Variants in ARPP19 observed in about 807,000 individuals in gnomAD.
The protein encoded by ARPP19 is cAMP-regulated phosphoprotein 19.
A neutral mutation model predicts 12.0 loss-of-function variants in ARPP19; 8 were observed. The ratio of observed to expected loss-of-function variants is 0.67; its 90% CI spans 0.39 to 1.21. The LOEUF is 1.21. Ranked by LOEUF, ARPP19 falls within the 50% of genes most tolerant of loss-of-function variation. The probability of loss-of-function intolerance (pLI) is 0.01; values close to 1 mark genes in which losing one functional copy is unlikely to be tolerated. For missense variants in ARPP19, 102 were observed against 136.3 expected (o/e 0.75, Z 1.25); for synonymous variants, 47 against 50.4 (o/e 0.93, Z 0.29).
At chr15:52,564,975 G>T (rs2078067845) in intron 1 of ARPP19, among the ~76,000 whole-genome samples, 1 of 151,032 alleles carries the variant, frequency 6.6e-6, no homozygotes, top group Admixed American at 6.6e-5. Flanking sequence ...TGCTGTGAGA[G>T]AACAGATATA....
chr15:52,557,216 C>T lies in ARPP19; in HGVS notation c.52G>A (p.Glu18Lys), dbSNP rs779348594. 1 of 1,593,946 alleles carries T rather than the reference C, an allele frequency of 6.3e-7. No homozygotes were observed. The highest frequency in any genetic ancestry group is 8.6e-7 in the Non-Finnish European group (1 of 1,166,312). ...TTCTCTGGACTAGTCACTTTATCTT[C>T]CATTTCCTAAAATAATTTCAAATAA... ...AASAEEQKEMEDKVTSPEKAE... is the reference protein window; with the variant it reads ...AASAEEQKEMKDKVTSPEKAE... Residue 18 changes from glutamate (E) to lysine (K), a missense_variant, in exon 2 of 3, where the codon GAA (glutamate) becomes AAA (lysine). Coordinates refer to ENST00000249822, the MANE Select transcript of ARPP19 (RefSeq NM_006628.6).
chr15:52,559,022 G>C (rs936554083), intron 1 of ARPP19, among the ~76,000 whole-genome samples: 1 of 151,984 alleles, frequency 6.6e-6, no homozygotes, highest in African/African-American at 2.4e-5. Context: ...ATTTCATCCT[G>C]AACTGCTTCT....
intron 1 of ARPP19, among the ~76,000 whole-genome samples, chr15:52,558,437 A>G (rs1380279344): frequency 6.0e-5 from 9 of 150,770 alleles, no homozygotes; most frequent in Admixed American, 5.3e-4. Flanking sequence ...GTGCATACCC[A>G]GGTCTAGCGA....
intron 1 of ARPP19, among the ~76,000 whole-genome samples, chr15:52,562,829 G>T (rs2078046907): frequency 6.6e-6 from 1 of 151,234 alleles, no homozygotes; most frequent in South Asian, 2.1e-4. Context: ...CAATAGAAAG[G>T]GCCAACAAAG....
Position 52,567,279 on chromosome 15 carries a change from G to A in ARPP19, c.45+1569C>T, listed in dbSNP as rs555759137. Reference sequence around the variant, plus strand: ...AATGTTTAATGTAGACAATCAATAAGAGAAAACGTTCAAGCTATCCTTAAT... The same window carrying A: ...AATGTTTAATGTAGACAATCAATAAAAGAAAACGTTCAAGCTATCCTTAAT... On this transcript the variant is annotated intron_variant, in intron 1 of 2. Coordinates refer to ENST00000249822, the MANE Select transcript of ARPP19 (RefSeq NM_006628.6). Among the ~76,000 whole-genome samples, 73 of 152,296 alleles carry A rather than the reference G, an allele frequency of 4.8e-4. 1 individual carries two copies. The South Asian group carries it at 7.9e-3, about 16-fold the overall frequency.
intron 2 of ARPP19, among the ~76,000 whole-genome samples, chr15:52,554,947 A>C (rs1253596770): frequency 6.6e-6 from 1 of 152,120 alleles, no homozygotes; most frequent in Admixed American, 6.6e-5. Flanking sequence ...TATCTAATCA[A>C]ACCTTCTCAA....
intron 1 of ARPP19, among the ~76,000 whole-genome samples, chr15:52,565,570 T>A (rs73396728): frequency 0.11 from 16,414 of 152,224 alleles, 962 homozygotes; most frequent in Middle Eastern, 0.17. Flanking sequence ...ACTCAGCAGG[T>A]TACTCCAACT....
chr15:52,561,559 CTTG>C (rs1854702851), intron 1 of ARPP19, among the ~76,000 whole-genome samples: 1 of 151,926 alleles, frequency 6.6e-6, no homozygotes, highest in Non-Finnish European at 1.5e-5. Flanking sequence ...ATTTTTACAT[CTTG>C]TTTAGTTAAG....
At chr15:52,567,378 C>T (rs2078093373) in intron 1 of ARPP19, among the ~76,000 whole-genome samples, 2 of 152,200 alleles carry the variant, frequency 1.3e-5, no homozygotes, top group Non-Finnish European at 2.9e-5. Context: ...CATACTTTGG[C>T]AACATACTAA....
chr15:52,557,982 A>G (rs2077996835), intron 1 of ARPP19, among the ~76,000 whole-genome samples: 1 of 152,204 alleles, frequency 6.6e-6, no homozygotes, highest in Non-Finnish European at 1.5e-5. Context: ...AACTCTGTTC[A>G]TGTCAAACAT....
chr15:52,551,665 A>G lies in ARPP19; in HGVS notation c.*269T>C, dbSNP rs2077932615. On this transcript the variant is annotated 3_prime_UTR_variant, in exon 3 of 3. Coordinates refer to ENST00000249822, the MANE Select transcript of ARPP19 (RefSeq NM_006628.6). ...TAAAACTTGCTTGTTACTTGTTAGA[A>G]CCAGTACTACACTAGAAGTTAGGTA... 6.4e-6 allele frequency: 2 copies of G among 313,002 alleles called. No homozygotes were observed. The highest frequency in any genetic ancestry group is 1.2e-5 in the Non-Finnish European group (2 of 171,290). 19.4% of individuals were successfully genotyped at this position (313,002 alleles called of 1,614,324 possible).
intron 1 of ARPP19, among the ~76,000 whole-genome samples, chr15:52,565,397 C>T (rs73396723): frequency 0.11 from 16,407 of 152,212 alleles, 963 homozygotes; most frequent in Middle Eastern, 0.17. Context: ...TAGCTTACTG[C>T]TGATAGATTC....
chr15:52,560,879 T>C (rs761117248), intron 1 of ARPP19, among the ~76,000 whole-genome samples: 2 of 152,290 alleles, frequency 1.3e-5, no homozygotes, highest in South Asian at 2.1e-4. Context: ...GGGGCTCTAG[T>C]AGCAGCTACA....
upstream of ARPP19, chr15:52,569,112 C>T (rs1566900797): frequency 7.4e-6 from 4 of 542,050 alleles, no homozygotes; most frequent in African/African-American, 4.1e-5. Context: ...GCACCCCTAC[C>T]TACTTGACCC....
chr15:52,556,403 G>T (rs1404796620), intron 2 of ARPP19, among the ~76,000 whole-genome samples: 1 of 151,994 alleles, frequency 6.6e-6, no homozygotes, highest in Non-Finnish European at 1.5e-5. Flanking sequence ...GAACAAACAG[G>T]CCAGCATTAT....
At chr15:52,561,956 T>TA (rs398027310) in intron 1 of ARPP19, among the ~76,000 whole-genome samples, 9 of 135,620 alleles carry the variant, frequency 6.6e-5, no homozygotes, top group Admixed American at 2.1e-4. Flanking sequence ...TTTTTTTTTT[T>TA]ATTAAGATAC....
chr15:52,563,906 G>A lies in ARPP19; in HGVS notation c.45+4942C>T, dbSNP rs189976181. 2.4e-4 allele frequency among the ~76,000 whole-genome samples: 36 copies of A among 152,270 alleles called. No individual in the cohort carries two copies. In the East Asian group the frequency reaches 6.6e-3, roughly 28 times the overall value. ...ATTCTATTAAGTCTTTGTTTGCCTA[G>A]TGCCTAGCATTTAATGAATGTTCAA... On this transcript the variant is annotated intron_variant, in intron 1 of 2. Transcript: ENST00000249822.
intron 2 of ARPP19, among the ~76,000 whole-genome samples, chr15:52,556,665 A>C (rs923796797): frequency 6.6e-6 from 1 of 152,190 alleles, no homozygotes; most frequent in Admixed American, 6.5e-5. Flanking sequence ...AAGTTTCAAA[A>C]TATGGGCAGA....
In ARPP19 at chr15:52,551,310, A is replaced by G. The variant is rs1348903624; in HGVS notation, c.*624T>C. 3 of 152,714 alleles carry G rather than the reference A, an allele frequency of 2.0e-5. No homozygotes were observed. The highest frequency in any genetic ancestry group is 7.2e-5 in the African/African-American group (3 of 41,462). The allele number at this position is 152,714 out of a possible 1,614,324, so 9.5% of individuals were successfully genotyped here. A position where few individuals can be genotyped will look rare whatever the true frequency, so the allele number is the denominator to read the frequency against. ...AGGTATTCTAACTCTACAGAACTGA[A>G]TATTAGCTTCAACGGCAGCTGTTAA... On this transcript the variant is annotated 3_prime_UTR_variant, in exon 3 of 3. Transcript: ENST00000249822.
Sources: allele counts gnomAD v4.1 joint callset (sites outside exome capture counted in the v4.1 genomes callset), GRCh38; gene constraint gnomAD v4.1.1; transcripts MANE v1.5; gene names NCBI Gene and HGNC (gene_info 2026-07-23, HGNC 2026-07-21).